Variants in MYO18B observed in about 807,000 individuals in gnomAD.
The protein encoded by MYO18B is unconventional myosin-XVIIIb.
A neutral mutation model predicts 273.0 loss-of-function variants in MYO18B; 204 were observed. The observed-to-expected ratio is 0.75, with a 90% CI of 0.67 to 0.84. The LOEUF is 0.84. Among genes scored for constraint, MYO18B ranks in the 40% least tolerant of loss-of-function variants. MYO18B has a pLI of 0.00. For missense variants in MYO18B, 3,212 were observed against 3,287.6 expected (o/e 0.98, Z 0.56); for synonymous variants, 1,330 against 1,305.7 (o/e 1.02, Z -0.40).
At chr22:25,960,488 T>A (rs2092906346) in intron 39 of MYO18B, among the ~76,000 whole-genome samples, 1 of 152,088 alleles carries the variant, frequency 6.6e-6, no homozygotes, top group Non-Finnish European at 1.5e-5. Context: ...GATTCTCCGG[T>A]TTTGACTTTC....
chr22:26,038,638 A>G, the MYO18B span, among the ~76,000 whole-genome samples: 2 of 152,052 alleles, frequency 1.3e-5, no homozygotes, highest in Admixed American at 6.5e-5. Flanking sequence ...GATTTGAGGG[A>G]GCTGTAGTTA....
At chr22:25,763,465 A>G (rs2086401161) in intron 3 of MYO18B, 76 bp downstream of exon 3, 3 of 1,500,138 alleles carry the variant, frequency 2.0e-6, no homozygotes, top group Admixed American at 2.5e-5. Context: ...CCTCTGAGTC[A>G]TTTGTCATCC....
Position 25,854,132 on chromosome 22 carries a change from G to T in MYO18B, c.3885+2553G>T, listed in dbSNP as rs191848765. The stretch of plus-strand genomic sequence containing the variant: ...GATTCATTGTCAGGGTGTAAAATGG[G>T]TCTTGGTGAAGTCCCCTGTGGGTCT... On this transcript the variant is annotated intron_variant, in intron 21 of 43. Transcript: ENST00000335473. 1.2e-3 allele frequency among the ~76,000 whole-genome samples: 190 copies of T among 152,306 alleles called. 1 individual carries two copies. The Middle Eastern group carries it at 0.02, about 16-fold the overall frequency.
intron 33 of MYO18B, among the ~76,000 whole-genome samples, chr22:25,911,786 G>A (rs1191413026): frequency 6.6e-6 from 1 of 152,134 alleles, no homozygotes; most frequent in African/African-American, 2.4e-5. Context: ...TCACTACTGA[G>A]AACTGTTGCT....
intron 12 of MYO18B, among the ~76,000 whole-genome samples, chr22:25,822,781 G>A (rs542078315): frequency 4.6e-5 from 7 of 152,368 alleles, no homozygotes; most frequent in Non-Finnish European, 8.8e-5. Flanking sequence ...TAAGGGGTCC[G>A]CATGAAGAGG....
intron 39 of MYO18B, among the ~76,000 whole-genome samples, chr22:25,984,026 C>T (rs1004634497): frequency 6.6e-6 from 1 of 152,212 alleles, no homozygotes; most frequent in Admixed American, 6.5e-5. Flanking sequence ...CACTAAACAC[C>T]AGCAGCCCTC....
At chr22:25,751,576 T>C (rs2085931318) in intron 1 of MYO18B, among the ~76,000 whole-genome samples, 1 of 152,180 alleles carries the variant, frequency 6.6e-6, no homozygotes, top group South Asian at 2.1e-4. Flanking sequence ...CAGGCACACC[T>C]TGGGGTAAGT....
intron 16 of MYO18B, 143 bp downstream of exon 16, chr22:25,833,140 T>C (rs2145939244): frequency 1.4e-6 from 1 of 729,064 alleles, no homozygotes; most frequent in African/African-American, 1.7e-5. Flanking sequence ...CGTGGATGCC[T>C]GGGACCCAAC....
At chr22:26,025,000 C>T (rs947114453) in intron 42 of MYO18B, among the ~76,000 whole-genome samples, 4 of 152,100 alleles carry the variant, frequency 2.6e-5, no homozygotes. Flanking sequence ...GTGAGGGAGC[C>T]CTCTGGGGCC....
intron 34 of MYO18B, among the ~76,000 whole-genome samples, chr22:25,940,603 C>A (rs1319350510): frequency 1.3e-5 from 2 of 152,300 alleles, no homozygotes; most frequent in Middle Eastern, 6.8e-3. Context: ...TGCTCCTAAC[C>A]ACCACATGAT....
chr22:25,879,389 T>C (rs2091280636), intron 25 of MYO18B, among the ~76,000 whole-genome samples: 1 of 152,234 alleles, frequency 6.6e-6, no homozygotes, highest in African/African-American at 2.4e-5. Context: ...GAAGAGTACT[T>C]GATTAGGGGT....
chr22:25,877,743 C>T (rs1252488774), intron 24 of MYO18B, among the ~76,000 whole-genome samples: 2 of 152,202 alleles, frequency 1.3e-5, no homozygotes, highest in Non-Finnish European at 2.9e-5. Context: ...GCTGGGATTA[C>T]AGGTGTGAGC....
At chr22:26,051,216 C>CTTTTTTTTTT in the MYO18B span, among the ~76,000 whole-genome samples, 5 of 92,586 alleles carry the variant, frequency 5.4e-5, no homozygotes, top group African/African-American at 1.4e-4. Context: ...TAATTGGTCC[C>CTTTTTTTTTT]TTTTTTTTTT....
intron 12 of MYO18B, among the ~76,000 whole-genome samples, chr22:25,804,009 C>CACACACAT (rs1279449305): frequency 6.7e-6 from 1 of 148,212 alleles, no homozygotes; most frequent in Non-Finnish European, 1.5e-5. Context: ...CACACACACA[C>CACACACAT]ATATTTTATA....
intron 31 of MYO18B, among the ~76,000 whole-genome samples, chr22:25,906,414 A>G (rs1189307109): frequency 6.6e-6 from 1 of 152,162 alleles, no homozygotes; most frequent in Non-Finnish European, 1.5e-5. Flanking sequence ...TATGCCAGAA[A>G]CTGTAACAGG....
the MYO18B span, among the ~76,000 whole-genome samples, chr22:26,047,125 A>ATTTT: frequency 2.2e-5 from 3 of 134,836 alleles, no homozygotes; most frequent in African/African-American, 8.2e-5. Flanking sequence ...TAGTTGGCCC[A>ATTTT]TTTTTTTTTT....
At chr22:26,054,250 C>T in the MYO18B span, among the ~76,000 whole-genome samples, 4 of 152,288 alleles carry the variant, frequency 2.6e-5, no homozygotes, top group African/African-American at 9.6e-5. Flanking sequence ...TTTTTACCTC[C>T]TTCTTATTCC....
At chr22:25,770,341 T>G (rs2086672403) in intron 5 of MYO18B, among the ~76,000 whole-genome samples, 165 bp downstream of exon 5, 1 of 152,192 alleles carries the variant, frequency 6.6e-6, no homozygotes, top group South Asian at 2.1e-4. Context: ...AATGAGTTAT[T>G]TACCTACTGT....
chr22:25,927,698 A>C (rs1010137253), intron 34 of MYO18B, among the ~76,000 whole-genome samples: 12 of 151,906 alleles, frequency 7.9e-5, no homozygotes, highest in African/African-American at 2.9e-4. Flanking sequence ...CCTAATAAAA[A>C]CTTGCTGGTT....
Sources: gnomAD v4.1 joint callset for allele counts (sites outside exome capture counted in the v4.1 genomes callset) on GRCh38, gnomAD v4.1.1 for gene constraint, MANE v1.5 for transcripts, NCBI Gene and HGNC (gene_info 2026-07-23, HGNC 2026-07-21) for gene names.